ARHGAP42: variants seen among roughly 807,000 people sequenced by gnomAD.
ARHGAP42 encodes rho GTPase-activating protein 42.
In ARHGAP42, 63 loss-of-function variants were observed where a neutral mutation model predicts 125.0. That is an observed-to-expected ratio of 0.50 (90% confidence interval 0.41 to 0.62). The LOEUF (loss-of-function observed/expected upper bound fraction) is 0.62. ARHGAP42 is among the 20% of genes least tolerant of loss of function. The probability of loss-of-function intolerance (pLI) is 0.00; values close to 1 mark genes in which losing one functional copy is unlikely to be tolerated. For synonymous variants in ARHGAP42, 339 were observed against 351.0 expected (o/e 0.97, Z 0.38); for missense variants, 766 against 1,024.2 (o/e 0.75, Z 3.44).
At chr11:100,960,630 A>G (rs1211713633) in intron 13 of ARHGAP42, among the ~76,000 whole-genome samples, 1 of 152,148 alleles carries the variant, frequency 6.6e-6, no homozygotes, top group Non-Finnish European at 1.5e-5. Context: ...AGTAATATCG[A>G]TCATCCCTTC....
chr11:100,954,727 C>T (rs1857759811), intron 12 of ARHGAP42, among the ~76,000 whole-genome samples: 1 of 152,084 alleles, frequency 6.6e-6, no homozygotes, highest in South Asian at 2.1e-4. Context: ...GATGTCATAG[C>T]TCAAGTGCTC....
At position 100,730,119 on chromosome 11, in the gene ARHGAP42, A is replaced by G. The variant is rs575601585; in HGVS notation, c.155-40224A>G. Among the ~76,000 whole-genome samples the G allele has an allele frequency of 2.2e-4, 33 of 152,184 alleles. 2 individuals are homozygous for G. The highest frequency in any genetic ancestry group is 7.7e-4 in the East Asian group (4 of 5,176). ...GCCACTGTGCCTGGCCTAAATTTCA[A>G]ATAAGACTAATTTGACGAAATACAC... On this transcript the variant is annotated intron_variant, in intron 1 of 23. Transcript: ENST00000298815.
Position 100,969,392 on chromosome 11 carries a change from T to C in ARHGAP42, c.1550+3616T>C, listed in dbSNP as rs183397079. On this transcript the variant is annotated intron_variant, in intron 17 of 23. Coordinates refer to ENST00000298815, the MANE Select transcript of ARHGAP42 (RefSeq NM_152432.4). Reference sequence around the variant, plus strand: ...TGAGCTTCTTGGATATATAGATTAATGTTTTAAATTAAATTTGGAAAATTT... The same window carrying C: ...TGAGCTTCTTGGATATATAGATTAACGTTTTAAATTAAATTTGGAAAATTT... Among the ~76,000 whole-genome samples, 1,317 of 152,218 alleles carry C rather than the reference T, an allele frequency of 8.7e-3. 15 individuals carry two copies. Among genetic ancestry groups the C allele is most frequent in the South Asian group, 0.021 (102 of 4,830 alleles).
chr11:100,875,628 G>GAACA (rs1228371589), intron 4 of ARHGAP42, among the ~76,000 whole-genome samples: 2 of 152,104 alleles, frequency 1.3e-5, no homozygotes, highest in Non-Finnish European at 2.9e-5. Flanking sequence ...AACACATGAA[G>GAACA]AACACGGTTG....
chr11:100,844,985 A>G (rs1045492981), intron 3 of ARHGAP42, among the ~76,000 whole-genome samples: 1 of 152,174 alleles, frequency 6.6e-6, no homozygotes, highest in Non-Finnish European at 1.5e-5. Context: ...AGATACTTGC[A>G]CACACATGTT....
intron 3 of ARHGAP42, among the ~76,000 whole-genome samples, chr11:100,851,868 A>ATG (rs1401239791): frequency 6.6e-6 from 1 of 152,158 alleles, no homozygotes; most frequent in African/African-American, 2.4e-5. Flanking sequence ...GTGCCTATGT[A>ATG]TGTGTGAGAA....
intron 23 of ARHGAP42, 68 bp downstream of exon 23, chr11:100,987,660 A>G: frequency 7.0e-7 from 1 of 1,421,260 alleles, no homozygotes; most frequent in South Asian, 1.2e-5. Context: ...GTATGGTGGT[A>G]TGAGTCTAAA....
At chr11:100,755,344 T>A (rs534925895) in intron 1 of ARHGAP42, among the ~76,000 whole-genome samples, 1 of 152,360 alleles carries the variant, frequency 6.6e-6, no homozygotes, top group South Asian at 2.1e-4. Context: ...AACATCTGAA[T>A]GTGAATGTGA....
intron 2 of ARHGAP42, 42 bp downstream of exon 2, chr11:100,770,480 T>A: frequency 1.5e-6 from 2 of 1,349,372 alleles, no homozygotes. Flanking sequence ...CTAATATTTA[T>A]TTTACTGAAA....
rs554487571 is a variant in ARHGAP42, at chr11:100,946,108, C to A, written c.1043+2240C>A. On this transcript the variant is annotated intron_variant, in intron 10 of 23. Transcript: ENST00000298815. Reference sequence around the variant, plus strand: ...CTTCATCTTATACTTTTATATTATGCAAATGGCTTCTTTCCTCAAACATCA... The same window carrying A: ...CTTCATCTTATACTTTTATATTATGAAAATGGCTTCTTTCCTCAAACATCA... Among the ~76,000 whole-genome samples the A allele has an allele frequency of 2.7e-3, 417 of 152,178 alleles. 1 individual carries two copies. The highest frequency in any genetic ancestry group is 4.9e-3 in the Non-Finnish European group (331 of 67,976).
At chr11:100,897,464 A>G (rs530608854) in intron 4 of ARHGAP42, among the ~76,000 whole-genome samples, 3 of 152,250 alleles carry the variant, frequency 2.0e-5, no homozygotes, top group Admixed American at 1.3e-4. Context: ...GATTCTTCCT[A>G]TCCATGAGCA....
At chr11:100,866,820 G>A (rs1460801395) in intron 4 of ARHGAP42, among the ~76,000 whole-genome samples, 1 of 152,090 alleles carries the variant, frequency 6.6e-6, no homozygotes, top group Non-Finnish European at 1.5e-5. Flanking sequence ...GGAACACAGA[G>A]CCAAACCATA....
chr11:100,767,294 C>T (rs970965844), intron 1 of ARHGAP42, among the ~76,000 whole-genome samples: 4 of 152,130 alleles, frequency 2.6e-5, no homozygotes, highest in Admixed American at 1.3e-4. Flanking sequence ...ACTTGACAGA[C>T]GGGATACTGA....
In ARHGAP42 at chr11:100,992,053, C is replaced by T. The variant is rs1858843697; in HGVS notation, c.*3252C>T. The stretch of plus-strand genomic sequence containing the variant: ...CCAGTGTACCCTGCTCACCTTCTCA[C>T]TCCTAGCACCGTTCTTCTGGTCTGT... On this transcript the variant is annotated 3_prime_UTR_variant, in exon 24 of 24. Transcript: ENST00000298815. The T allele has an allele frequency of 2.2e-6, 1 of 462,634 alleles. No homozygotes were observed. The highest frequency in any genetic ancestry group is 1.9e-5 in the African/African-American group (1 of 51,510). The allele number at this position is 462,634 out of a possible 1,614,324, so 28.7% of individuals were successfully genotyped here.
intron 22 of ARHGAP42, 120 bp from the exon 23 acceptor site, chr11:100,987,385 ATATGCACT>A: frequency 1.4e-6 from 1 of 735,344 alleles, no homozygotes. Context: ...GTACACTCAT[ATATGCACT>A]TTATGTACAT....
chr11:100,875,138 TGTGTGTGTGTGTGTGG>T (rs1405150447), intron 4 of ARHGAP42, among the ~76,000 whole-genome samples: 17 of 121,682 alleles, frequency 1.4e-4, no homozygotes, highest in African/African-American at 5.3e-4. Context: ...TGTGTGTGTG[TGTGTGTGTGTGTGTGG>T]CTCATGAACT....
chr11:100,762,923 AT>A (rs1862740605), intron 1 of ARHGAP42, among the ~76,000 whole-genome samples: 1 of 134,514 alleles, frequency 7.4e-6, no homozygotes, highest in East Asian at 2.2e-4. Flanking sequence ...TTTCTGTGAT[AT>A]TTGTGTGCAT....
chr11:100,709,918 T>G (rs560389989), intron 1 of ARHGAP42, among the ~76,000 whole-genome samples: 1 of 152,348 alleles, frequency 6.6e-6, no homozygotes, highest in South Asian at 2.1e-4. Flanking sequence ...TGCATCCATC[T>G]GTTATCCTGA....
At chr11:100,803,371 T>C (rs534464994) in intron 3 of ARHGAP42, among the ~76,000 whole-genome samples, 101 of 152,210 alleles carry the variant, frequency 6.6e-4, no homozygotes, top group African/African-American at 2.3e-3. Context: ...TTTAAAGCTA[T>C]AGGAATGGGT....
Sources: allele counts gnomAD v4.1 joint callset (sites outside exome capture counted in the v4.1 genomes callset), GRCh38; gene constraint gnomAD v4.1.1; transcripts MANE v1.5; gene names NCBI Gene and HGNC (gene_info 2026-07-23, HGNC 2026-07-21).